The following SESN1 variants were observed in gnomAD, a reference collection of about 807,000 sequenced individuals.
The protein encoded by SESN1 is sestrin 1.
SESN1 carries 30 observed loss-of-function variants against 59.3 expected under a neutral mutation model. That is an observed-to-expected ratio of 0.51 (90% CI 0.38 to 0.69). SESN1 has a LOEUF of 0.69. Among genes scored for constraint, SESN1 ranks in the 30% least tolerant of loss-of-function variants. The pLI is 0.00. For missense variants in SESN1, 566 were observed against 673.0 expected (o/e 0.84, Z 1.76); for synonymous variants, 197 against 219.9 (o/e 0.90, Z 0.92).
rs114073207 is a variant in SESN1 at position 109,067,410 on chromosome 6, G to T, written c.279+26385C>A. Among the ~76,000 whole-genome samples the T allele has an allele frequency of 7.8e-3, 1,188 of 152,296 alleles. 21 individuals are homozygous for T. Among genetic ancestry groups the T allele is most frequent in the African/African-American group, 0.027 (1,141 of 41,576 alleles). On this transcript the variant is annotated intron_variant, in intron 1 of 9. Transcript: ENST00000436639. Reference sequence around the variant, plus strand: ...TTTTATGGACATTTTGGAGGTAAAAGATAGTAAAAATAGGAGAGAAAATTC... The same window carrying T: ...TTTTATGGACATTTTGGAGGTAAAATATAGTAAAAATAGGAGAGAAAATTC...
At chr6:109,017,898 G>A (rs181605304) in intron 1 of SESN1, among the ~76,000 whole-genome samples, 1 of 152,100 alleles carries the variant, frequency 6.6e-6, no homozygotes, top group Non-Finnish European at 1.5e-5. Flanking sequence ...AGGCACAGTG[G>A]CTCAATGCCT....
At chr6:109,018,375 G>C (rs1237409835) in intron 1 of SESN1, among the ~76,000 whole-genome samples, 2 of 152,208 alleles carry the variant, frequency 1.3e-5, no homozygotes, top group Non-Finnish European at 2.9e-5. Context: ...TCAGTGATTA[G>C]GAGGGGTATA....
At chr6:109,077,850 T>C (rs1488911215) in intron 1 of SESN1, among the ~76,000 whole-genome samples, 3 of 152,214 alleles carry the variant, frequency 2.0e-5, no homozygotes, top group Non-Finnish European at 4.4e-5. Flanking sequence ...AAATGTTATA[T>C]GTAAAATGCT....
intron 1 of SESN1, among the ~76,000 whole-genome samples, chr6:109,006,682 A>G (rs1222090781): frequency 6.6e-6 from 1 of 152,102 alleles, no homozygotes; most frequent in Non-Finnish European, 1.5e-5. Flanking sequence ...CTGTTATTAT[A>G]CAGTAGTAGT....
chr6:109,008,046 TTA>T (rs561456884), intron 1 of SESN1, among the ~76,000 whole-genome samples: 8 of 152,184 alleles, frequency 5.3e-5, no homozygotes, highest in Non-Finnish European at 8.8e-5. Flanking sequence ...TTGGGATGTA[TTA>T]AAAATGAAAT....
chr6:109,048,922 A>C (rs1273528141), intron 1 of SESN1, among the ~76,000 whole-genome samples: 1 of 152,140 alleles, frequency 6.6e-6, no homozygotes, highest in Non-Finnish European at 1.5e-5. Flanking sequence ...GAGTACTTAA[A>C]ACATAACAAT....
intron 9 of SESN1, 78 bp from the exon 10 acceptor site, chr6:108,987,708 CAT>C: frequency 1.3e-6 from 1 of 756,434 alleles, no homozygotes. Flanking sequence ...CTAATGAACA[CAT>C]AAAATAAGTA....
intron 1 of SESN1, among the ~76,000 whole-genome samples, chr6:109,062,056 ACT>A (rs1198461993): frequency 1.3e-5 from 2 of 152,072 alleles, no homozygotes; most frequent in Admixed American, 1.3e-4. Context: ...ACAGGGTCTT[ACT>A]CTGTCACCCA....
Position 109,000,596 on chromosome 6 carries a change from C to T in SESN1, c.624G>A (p.Lys208=), listed in dbSNP as rs1450449438. The T allele has an allele frequency of 1.2e-6, 2 of 1,612,518 alleles. No individual in the cohort carries two copies. Among genetic ancestry groups the T allele is most frequent in the Non-Finnish European group, 1.7e-6 (2 of 1,179,108 alleles). Reference sequence around the variant, plus strand: ...GAGCATTCTCTAAACCATTGAGCCACTTGGGGTCCCCACCAACATGAAGGA... The same window carrying T: ...GAGCATTCTCTAAACCATTGAGCCATTTGGGGTCCCCACCAACATGAAGGA... The part of the protein sequence containing the change: ...NDFLHVGGDP[K]WLNGLENAPQ... Residue 208 remains lysine, a synonymous_variant, in exon 4 of 10, where the codon AAG becomes AAA. Coordinates refer to ENST00000436639, the MANE Select transcript of SESN1 (RefSeq NM_014454.3).
At chr6:109,084,552 TCAAAACAAAAA>T (rs1450369483) in intron 1 of SESN1, among the ~76,000 whole-genome samples, 1 of 151,734 alleles carries the variant, frequency 6.6e-6, no homozygotes, top group African/African-American at 2.4e-5. Flanking sequence ...ACAGTCGGTC[TCAAAACAAAAA>T]CAAAACAAAA....
chr6:109,080,725 C>T (rs1781107140), intron 1 of SESN1, among the ~76,000 whole-genome samples: 1 of 152,138 alleles, frequency 6.6e-6, no homozygotes, highest in South Asian at 2.1e-4. Context: ...AAAGCACAGA[C>T]TCTTGAGTCT....
chr6:108,988,473 T>A, intron 9 of SESN1, 70 bp downstream of exon 9: 4 of 1,359,492 alleles, frequency 2.9e-6, no homozygotes, highest in Non-Finnish European at 4.0e-6. Flanking sequence ...TTCAGCACCA[T>A]TAGGTTAGGT....
intron 1 of SESN1, among the ~76,000 whole-genome samples, chr6:109,022,182 ACTGAGGAATGAAGAATG>A (rs1344051769): frequency 6.6e-6 from 1 of 152,000 alleles, no homozygotes; most frequent in African/African-American, 2.4e-5. Context: ...GGGCACCTGG[ACTGAGGAATGAAGAATG>A]CCTTAAGCTA....
intron 1 of SESN1, among the ~76,000 whole-genome samples, chr6:109,013,973 G>C (rs911207704): frequency 6.7e-6 from 1 of 149,714 alleles, no homozygotes; most frequent in African/African-American, 2.5e-5. Flanking sequence ...TTTTAGCACT[G>C]AACTTTAAAC....
intron 1 of SESN1, among the ~76,000 whole-genome samples, chr6:109,087,035 G>A (rs1781224232): frequency 6.6e-6 from 1 of 152,230 alleles, no homozygotes; most frequent in Non-Finnish European, 1.5e-5. Flanking sequence ...AGGAGGCTGA[G>A]GCAGGAGAAT....
intron 1 of SESN1, among the ~76,000 whole-genome samples, chr6:109,093,375 T>C (rs1781371734): frequency 6.6e-6 from 1 of 152,186 alleles, no homozygotes; most frequent in African/African-American, 2.4e-5. Flanking sequence ...GTTTGTTTTG[T>C]TTTTAAAAAT....
rs549223278 is a variant in SESN1, at chr6:109,050,768, A to C, written c.279+43027T>G. 9.2e-5 allele frequency among the ~76,000 whole-genome samples: 14 copies of C among 152,304 alleles called. No homozygotes were observed. In the South Asian group the frequency reaches 2.9e-3, roughly 32 times the overall value. On this transcript the variant is annotated intron_variant, in intron 1 of 9. Coordinates refer to ENST00000436639, the MANE Select transcript of SESN1 (RefSeq NM_014454.3). ...AGAGAGCTATCTTCTTTTAGTAATC[A>C]TAAGGAATTAAAAAAATACTGCTGC...
chr6:108,986,973 GTAGGAATTC>G lies in SESN1; in HGVS notation c.*562_*570del, dbSNP rs1779215272. The G allele has an allele frequency of 6.6e-6, 1 of 152,660 alleles. No homozygotes were observed. Among genetic ancestry groups the G allele is most frequent in the Admixed American group, 6.5e-5 (1 of 15,280 alleles). 9.5% of individuals were successfully genotyped at this position (152,660 alleles called of 1,614,324 possible). A position where few individuals can be genotyped will look rare whatever the true frequency, so the allele number is the denominator to read the frequency against. ...AAATGGTTGTTGCTGAGCTGTGTGAGTAGGAATTCTATGCTTTTTTAGATGCAAGAAAAT... is the reference window on the plus strand; with the variant it reads ...AAATGGTTGTTGCTGAGCTGTGTGAGTATGCTTTTTTAGATGCAAGAAAAT... On this transcript the variant is annotated 3_prime_UTR_variant, in exon 10 of 10. Transcript: ENST00000436639.
chr6:109,022,491 C>T (rs1295716824), intron 1 of SESN1, among the ~76,000 whole-genome samples: 2 of 124,494 alleles, frequency 1.6e-5, no homozygotes, highest in South Asian at 2.7e-4. Flanking sequence ...GGCGCGATCT[C>T]GGCTCATTGC....
Sources: allele counts gnomAD v4.1 joint callset (sites outside exome capture counted in the v4.1 genomes callset), GRCh38; gene constraint gnomAD v4.1.1; transcripts MANE v1.5; gene names NCBI Gene and HGNC (gene_info 2026-07-23, HGNC 2026-07-21).